The following DENND3 variants were observed in gnomAD, a reference collection of about 807,000 sequenced individuals.
DENND3 encodes the protein DENN domain containing 3.
Under a neutral mutation model 135.1 loss-of-function variants are expected in DENND3, and 88 were observed. The observed-to-expected ratio is 0.65, with a 90% confidence interval of 0.55 to 0.78. DENND3 has a LOEUF of 0.78. Ranked by LOEUF, DENND3 falls within the 30% of genes least tolerant of loss-of-function variation. DENND3 has a pLI of 0.00. For synonymous variants in DENND3, 693 were observed against 712.3 expected (o/e 0.97, Z 0.43); for missense variants, 1,392 against 1,688.4 (o/e 0.82, Z 3.08).
rs538822856 is a variant in DENND3, at chr8:141,144,675, C to T, written c.735+416C>T. ...CCATGACAGGAAGGAAGGTCAGACA[C>T]GCCTTGTTATGCCCGCTCCCTTTTG... On this transcript the variant is annotated intron_variant, in intron 5 of 22. Transcript: ENST00000519811. The surrounding 1 kb of genome is among the most constrained non-coding windows in gnomAD (Gnocchi z 4.4). 1.2e-4 allele frequency among the ~76,000 whole-genome samples: 19 copies of T among 152,292 alleles called. No homozygotes were observed. In the South Asian group the frequency reaches 1.4e-3, roughly 12 times the overall value.
At chr8:141,135,708 GGA>G (rs1816713967) in intron 1 of DENND3, among the ~76,000 whole-genome samples, 2 of 152,236 alleles carry the variant, frequency 1.3e-5, no homozygotes, top group Non-Finnish European at 2.9e-5. Flanking sequence ...GTAGTAACAT[GGA>G]AGAGAGATTG....
At position 141,166,189 on chromosome 8, in the gene DENND3, G is replaced by C. The variant is rs1253513964; in HGVS notation, c.1554-1G>C. The C allele has an allele frequency of 3.1e-6, 5 of 1,613,912 alleles. No individual in the cohort carries two copies. The South Asian group carries it at 4.4e-5, about 14-fold the overall frequency. ...TAACGCGTTGCTTTTTCGTACCCCA[G>C]AATAAATGGAATGCTTCTAAGTCCA... On this transcript the variant is annotated splice_acceptor_variant, in intron 11 of 22. Coordinates refer to ENST00000519811, the MANE Select transcript of DENND3 (RefSeq NM_001352890.3). LOFTEE classifies it high-confidence loss of function. This position sits in a 1 kb window ranked among gnomAD's most constrained non-coding sequence, Gnocchi z 4.3.
chr8:141,179,640 G>A (rs1032527623), intron 16 of DENND3, among the ~76,000 whole-genome samples: 1 of 152,278 alleles, frequency 6.6e-6, no homozygotes, highest in Non-Finnish European at 1.5e-5. Flanking sequence ...CGAGGCAGGA[G>A]CTGAAGAGGC....
In DENND3 at chr8:141,160,634, T is replaced by C. The variant is rs753745254; in HGVS notation, c.1199T>C (p.Val400Ala). ...LLAAQTFIQR[V>A]QSLQLHHELH... Reference sequence around the variant, plus strand: ...AGCTTCGGTCTGCCTCCTTCCAGGGTGCAGAGCCTCCAGCTCCACCATGAG... The same window carrying C: ...AGCTTCGGTCTGCCTCCTTCCAGGGCGCAGAGCCTCCAGCTCCACCATGAG... Residue 400 changes from valine (V) to alanine (A), a missense_variant and splice_region_variant, in exon 9 of 23, where the codon GTG (valine) becomes GCG (alanine). Coordinates refer to ENST00000519811, the MANE Select transcript of DENND3 (RefSeq NM_001352890.3). 1.2e-6 allele frequency: 2 copies of C among 1,600,800 alleles called. No individual in the cohort carries two copies. The highest frequency in any genetic ancestry group is 2.2e-5 in the South Asian group (2 of 90,496).
At chr8:141,163,078 A>G (rs1034086887) in intron 9 of DENND3, among the ~76,000 whole-genome samples, 17 of 152,224 alleles carry the variant, frequency 1.1e-4, no homozygotes, top group Admixed American at 6.5e-4. Context: ...CTTAATTTGC[A>G]TAAGGAACTA....
In DENND3 at chr8:141,194,852, C is replaced by T. The variant is rs1037018405; in HGVS notation, c.*619C>T. On this transcript the variant is annotated 3_prime_UTR_variant, in exon 23 of 23. Coordinates refer to ENST00000519811, the MANE Select transcript of DENND3 (RefSeq NM_001352890.3). ...GCGACAGGGGTTGGGCCAGCTGAGG[C>T]AAGCTGTCTTTTTTCCCTTTTCTTT... 4 of 131,804 alleles carry T rather than the reference C, an allele frequency of 3.0e-5. No individual in the cohort carries two copies. The highest frequency in any genetic ancestry group is 6.3e-5 in the Non-Finnish European group (4 of 63,308). 8.2% of individuals were successfully genotyped at this position (131,804 alleles called of 1,614,324 possible).
chr8:141,145,657 G>C (rs1240728230), intron 5 of DENND3, among the ~76,000 whole-genome samples: 1 of 151,790 alleles, frequency 6.6e-6, no homozygotes, highest in Non-Finnish European at 1.5e-5. Context: ...CAGAGCTAGT[G>C]ATATGTCGTG....
intron 19 of DENND3, among the ~76,000 whole-genome samples, chr8:141,189,617 C>T (rs1569557091): frequency 8.6e-6 from 1 of 116,200 alleles, no homozygotes; most frequent in Admixed American, 8.4e-5. Flanking sequence ...AGCAGAGGCT[C>T]ATGGTGGGGA....
In DENND3 at chr8:141,175,819, TG is replaced by T. The variant is rs1822259109; in HGVS notation, c.2535+361del. 3.1e-6 allele frequency: 1 copy of T among 327,350 alleles called. No individual in the cohort carries two copies. The highest frequency in any genetic ancestry group is 2.1e-5 in the African/African-American group (1 of 46,954). 20.3% of individuals were successfully genotyped at this position (327,350 alleles called of 1,614,324 possible). On this transcript the variant is annotated intron_variant, in intron 14 of 22. Transcript: ENST00000519811. The surrounding 1 kb of genome is among the most constrained non-coding windows in gnomAD (Gnocchi z 5.4). ...TGAGATGTTTACTGAGAAACTGCCATGTGCCAGCCACGGTGAGCTACAGTAG... is the reference window on the plus strand; with the variant it reads ...TGAGATGTTTACTGAGAAACTGCCATTGCCAGCCACGGTGAGCTACAGTAG...
chr8:141,183,159 A>G (rs111971413), intron 17 of DENND3, among the ~76,000 whole-genome samples: 2,211 of 152,344 alleles, frequency 0.015, 47 homozygotes, highest in African/African-American at 0.05. Flanking sequence ...TATTTTCATG[A>G]CTTTATGGTA....
At chr8:141,145,826 TATATATATATATATATATATA>T (rs1424027218) in intron 5 of DENND3, among the ~76,000 whole-genome samples, 811 of 60,118 alleles carry the variant, frequency 0.013, 35 homozygotes, top group East Asian at 0.027. Flanking sequence ...TATATATATA[TATATATATATATATATATATA>T]TATGTATTTT....
intron 15 of DENND3, chr8:141,177,101 C>T (rs986266550): frequency 4.4e-5 from 11 of 251,882 alleles, no homozygotes; most frequent in East Asian, 9.2e-5. Flanking sequence ...ACCCGCAGGC[C>T]GGAGTTGGGT....
Position 141,133,846 on chromosome 8 carries a change from A to C in DENND3, c.103-2663A>C, listed in dbSNP as rs138485473. On this transcript the variant is annotated intron_variant, in intron 1 of 22. Coordinates refer to ENST00000519811, the MANE Select transcript of DENND3 (RefSeq NM_001352890.3). ...CAGAAGCTTAATTTTTGAGACCGTAAGTTTAAGGGACCCCAGAGGTGCAGT... is the reference window on the plus strand; with the variant it reads ...CAGAAGCTTAATTTTTGAGACCGTACGTTTAAGGGACCCCAGAGGTGCAGT... Among the ~76,000 whole-genome samples the C allele has an allele frequency of 4.6e-5, 7 of 152,276 alleles. No homozygotes were observed. The East Asian group carries it at 1.4e-3, about 29-fold the overall frequency.
At chr8:141,165,124 C>A in intron 10 of DENND3, 62 bp from the exon 11 acceptor site, 4 of 1,327,394 alleles carry the variant, frequency 3.0e-6, no homozygotes, top group Non-Finnish European at 4.3e-6. Flanking sequence ...GGCTCAGGGG[C>A]TTTGGAGCAG....
At position 141,192,620 on chromosome 8, in the gene DENND3, A is replaced by G; in HGVS notation, c.3593A>G (p.Glu1198Gly). The G allele has an allele frequency of 6.2e-7, 1 of 1,600,386 alleles. No homozygotes were observed. Among genetic ancestry groups the G allele is most frequent in the Non-Finnish European group, 8.5e-7 (1 of 1,171,032 alleles). ...CAGCCCCCGCAGAGGGTGCCCCTCG[A>G]GGACTGCTCTGAGATCAACTGCATG... The part of the protein sequence containing the change: ...LAQPPQRVPL[E>G]DCSEINCMIR... The change falls in exon 22 of 23, where the codon GAG becomes GGG. Residue 1198 changes from glutamate to glycine, a missense_variant. Coordinates refer to ENST00000519811, the MANE Select transcript of DENND3 (RefSeq NM_001352890.3).
chr8:141,139,687 G>A lies in DENND3; in HGVS notation c.502-1516G>A, dbSNP rs559071266. On this transcript the variant is annotated intron_variant, in intron 3 of 22. Coordinates refer to ENST00000519811, the MANE Select transcript of DENND3 (RefSeq NM_001352890.3). This position sits in a 1 kb window ranked among gnomAD's most constrained non-coding sequence, Gnocchi z 4.2. ...CAGGAGCAATGCGCATGTTGTTTTC[G>A]TTATCATTAAATATAATACATATTA... is the stretch of plus-strand genomic sequence containing the variant. Among the ~76,000 whole-genome samples, 8 of 152,274 alleles carry A rather than the reference G, an allele frequency of 5.3e-5. No homozygotes were observed. The highest frequency in any genetic ancestry group is 2.1e-4 in the South Asian group (1 of 4,824).
At chr8:141,183,845 C>A (rs560286856) in intron 17 of DENND3, among the ~76,000 whole-genome samples, 2 of 151,146 alleles carry the variant, frequency 1.3e-5, no homozygotes, top group South Asian at 4.2e-4. Flanking sequence ...GCTGTCCTGG[C>A]GGGGGTGCAG....
Position 141,182,418 on chromosome 8 carries a change from G to A in DENND3, c.2944+1564G>A. On this transcript the variant is annotated intron_variant, in intron 17 of 22. Transcript: ENST00000519811. The surrounding 1 kb of genome is among the most constrained non-coding windows in gnomAD (Gnocchi z 5.9). Reference sequence around the variant, plus strand: ...GCCCTACCTGATGTGTCTAAGCCAGGCTCTGTGCTGACTTCGCCAGAGATG... The same window carrying A: ...GCCCTACCTGATGTGTCTAAGCCAGACTCTGTGCTGACTTCGCCAGAGATG... 1.0e-6 allele frequency: 1 copy of A among 985,446 alleles called. No homozygotes were observed. The highest frequency in any genetic ancestry group is 1.2e-6 in the Non-Finnish European group (1 of 829,922). 61.0% of individuals were successfully genotyped at this position (985,446 alleles called of 1,614,324 possible). A position where few individuals can be genotyped will look rare whatever the true frequency, so the allele number is the denominator to read the frequency against.
intron 4 of DENND3, chr8:141,142,674 AC>A (rs1817606717): frequency 3.9e-6 from 1 of 255,016 alleles, no homozygotes; most frequent in Non-Finnish European, 7.9e-6. Flanking sequence ...ACTGTCTGTC[AC>A]CAGCGCCCAG....
Sources: gnomAD v4.1 joint callset for allele counts (sites outside exome capture counted in the v4.1 genomes callset) on GRCh38, gnomAD v4.1.1 for gene constraint, Gnocchi (gnomAD v3.1) non-coding constraint, MANE v1.5 for transcripts, NCBI Gene and HGNC (gene_info 2026-07-23, HGNC 2026-07-21) for gene names.